MGST1: variants seen among roughly 807,000 people sequenced by gnomAD.
MGST1 encodes the protein microsomal glutathione S-transferase 1.
MGST1 carries 5 observed loss-of-function variants against 8.9 expected under a neutral mutation model. That is an observed-to-expected ratio of 0.56 (90% CI 0.29 to 1.19). The LOEUF is 1.19. Ranked by LOEUF, MGST1 falls within the 50% of genes most tolerant of loss-of-function variation. MGST1 has a pLI of 0.08. For synonymous variants in MGST1, 54 were observed against 67.8 expected, an observed-to-expected ratio of 0.80 and a Z score of 1.00; for missense variants, 182 against 187.4, an observed-to-expected ratio of 0.97 and a Z score of 0.17.
At chr12:16,496,056 G>A (rs908477797) in intron 4 of MGST1, among the ~76,000 whole-genome samples, 1 of 152,136 alleles carries the variant, frequency 6.6e-6, no homozygotes, top group African/African-American at 2.4e-5. Flanking sequence ...GCAGGTGCAT[G>A]TGGATTGGTG....
intron 4 of MGST1, among the ~76,000 whole-genome samples, chr12:16,509,972 A>T (rs1252552080): frequency 6.6e-6 from 1 of 152,226 alleles, no homozygotes; most frequent in Non-Finnish European, 1.5e-5. Context: ...TGATTTCCTC[A>T]ACTATACCAG....
At chr12:16,375,061 T>A (rs1940357504) in intron 3 of MGST1, among the ~76,000 whole-genome samples, 1 of 152,132 alleles carries the variant, frequency 6.6e-6, no homozygotes, top group Admixed American at 6.6e-5. Context: ...TTAAATTTTT[T>A]GTAGAGATAG....
intron 4 of MGST1, among the ~76,000 whole-genome samples, chr12:16,451,545 G>T (rs575047483): frequency 6.6e-6 from 1 of 151,780 alleles, no homozygotes; most frequent in South Asian, 2.1e-4. Flanking sequence ...AGATTTTATA[G>T]AAAAACTGCC....
chr12:16,541,268 A>G (rs1941792068), intron 4 of MGST1, among the ~76,000 whole-genome samples: 1 of 152,184 alleles, frequency 6.6e-6, no homozygotes, highest in Non-Finnish European at 1.5e-5. Context: ...CAAACAGAGG[A>G]AAAACTTCAT....
chr12:16,353,266 C>T (rs1939555011), intron 1 of MGST1, among the ~76,000 whole-genome samples: 1 of 152,172 alleles, frequency 6.6e-6, no homozygotes, highest in Non-Finnish European at 1.5e-5. Context: ...ATCTCTCGAC[C>T]TCGTGATCCA....
chr12:16,402,395 G>A (rs977504745), intron 1 of MGST1: 43 of 1,604,488 alleles, frequency 2.7e-5, no homozygotes, highest in Non-Finnish European at 3.4e-5. Context: ...CCGATAATAA[G>A]CGTCTTTGTC....
chr12:16,496,549 G>T (rs1941471339), intron 4 of MGST1, among the ~76,000 whole-genome samples: 1 of 152,006 alleles, frequency 6.6e-6, no homozygotes, highest in African/African-American at 2.4e-5. Context: ...ATGATGCTGA[G>T]GTTTGGGGTA....
rs867415463 is a variant in MGST1, at chr12:16,369,935, C to T, written c.222-6187C>T. 3 of 152,164 alleles carry T rather than the reference C, an allele frequency of 2.0e-5. No individual in the cohort carries two copies. In the South Asian group the frequency reaches 6.2e-4, roughly 31 times the overall value. 9.4% of individuals were successfully genotyped at this position (152,164 alleles called of 1,614,324 possible). A position where few individuals can be genotyped will look rare whatever the true frequency, so the allele number is the denominator to read the frequency against. On this transcript the variant is annotated intron_variant, in intron 3 of 3. Transcript: ENST00000535309. This position sits in a 1 kb window ranked among gnomAD's most constrained non-coding sequence, Gnocchi z 4.8. ...AAAGTGCTGGGAAATGGACTCAACC[C>T]CCTCAGGGAGATGAACCGCAAAGTC...
chr12:16,473,127 TG>T (rs1269747193), intron 4 of MGST1, among the ~76,000 whole-genome samples: 88 of 152,344 alleles, frequency 5.8e-4, no homozygotes, highest in African/African-American at 2.1e-3. Flanking sequence ...CACTTTAGCA[TG>T]AGACAGGTTA....
intron 4 of MGST1, among the ~76,000 whole-genome samples, chr12:16,483,491 T>C (rs1941378707): frequency 6.6e-6 from 1 of 152,056 alleles, no homozygotes; most frequent in Non-Finnish European, 1.5e-5. Flanking sequence ...AACAAGATAT[T>C]AGAAATGATT....
chr12:16,522,067 C>A (rs1227250244), intron 4 of MGST1, among the ~76,000 whole-genome samples: 2 of 152,154 alleles, frequency 1.3e-5, no homozygotes, highest in Admixed American at 1.3e-4. Context: ...GCAGTCCCAA[C>A]ATGAGAGGCG....
intron 4 of MGST1, among the ~76,000 whole-genome samples, chr12:16,538,888 A>G (rs968563081): frequency 1.3e-5 from 2 of 152,122 alleles, no homozygotes; most frequent in South Asian, 2.1e-4. Flanking sequence ...GATTACAGGC[A>G]TGAGCCACTG....
rs188185770 is a variant in MGST1, at chr12:16,529,457, A to T, written n.483-60071A>T. Among the ~76,000 whole-genome samples, 15 of 152,146 alleles carry T rather than the reference A, an allele frequency of 9.9e-5. No homozygotes were observed. In the East Asian group the frequency reaches 2.9e-3, roughly 29 times the overall value. ...GATTCTTGTAGCAGAATTAAATACC[A>T]CCCCTTCATCTGGGAGTACCTGGCA... On this transcript the variant is annotated intron_variant and non_coding_transcript_variant, in intron 4 of 4. Transcript: ENST00000538857.
intron 4 of MGST1, among the ~76,000 whole-genome samples, chr12:16,456,604 A>G (rs1941174953): frequency 1.3e-5 from 2 of 151,954 alleles, no homozygotes; most frequent in Admixed American, 6.6e-5. Flanking sequence ...GTCTTTTTCA[A>G]TCACTACTAT....
At position 16,541,915 on chromosome 12, in the gene MGST1, A is replaced by C. The variant is rs78880922; in HGVS notation, n.483-47613A>C. Among the ~76,000 whole-genome samples, 164 of 152,284 alleles carry C rather than the reference A, an allele frequency of 1.1e-3. 3 individuals are homozygous for C. In the East Asian group the frequency reaches 0.028, roughly 26 times the overall value. On this transcript the variant is annotated intron_variant and non_coding_transcript_variant, in intron 4 of 4. Coordinates refer to the MGST1 transcript ENST00000538857. ...AACAGAAACCCAACCAGAGTAACAAAAGTAAGTCAGTCATGGTGACAAGAT... is the reference window on the plus strand; with the variant it reads ...AACAGAAACCCAACCAGAGTAACAACAGTAAGTCAGTCATGGTGACAAGAT...
intron 1 of MGST1, among the ~76,000 whole-genome samples, chr12:16,391,546 C>A (rs1400587098): frequency 6.6e-6 from 1 of 152,056 alleles, no homozygotes; most frequent in Non-Finnish European, 1.5e-5. Context: ...GCCACATTTT[C>A]TTTATCCAGT....
chr12:16,465,498 C>T (rs1941247469), intron 4 of MGST1, among the ~76,000 whole-genome samples: 2 of 151,688 alleles, frequency 1.3e-5, no homozygotes, highest in South Asian at 2.1e-4. Context: ...CTGAGCTCCG[C>T]CTCCTGTCAG....
At chr12:16,388,263 A>G (rs917317653) in intron 1 of MGST1, among the ~76,000 whole-genome samples, 1 of 152,096 alleles carries the variant, frequency 6.6e-6, no homozygotes, top group African/African-American at 2.4e-5. Context: ...AGGTATAGTG[A>G]AATACAGTAG....
At chr12:16,464,605 C>T (rs766625948) in intron 4 of MGST1, among the ~76,000 whole-genome samples, 36 of 152,166 alleles carry the variant, frequency 2.4e-4, no homozygotes, top group Non-Finnish European at 5.0e-4. Context: ...TGTAGTAGTC[C>T]CTGGATTCCT....
Sources: gnomAD v4.1 joint callset for allele counts (sites outside exome capture counted in the v4.1 genomes callset) on GRCh38, gnomAD v4.1.1 for gene constraint, Gnocchi (gnomAD v3.1) non-coding constraint, MANE v1.5 for transcripts, NCBI Gene and HGNC (gene_info 2026-07-23, HGNC 2026-07-21) for gene names.